Variants in ADH1B observed in about 807,000 individuals in gnomAD.
The protein encoded by ADH1B is all-trans-retinol dehydrogenase [NAD(+)] ADH1B.
In ADH1B, 29 loss-of-function variants were observed where a neutral mutation model predicts 34.6. That is an observed-to-expected ratio of 0.84 (90% CI 0.62 to 1.14). The LOEUF is 1.14. Ranked by LOEUF, ADH1B falls within the 50% of genes most tolerant of loss-of-function variation. The pLI is 0.00. For synonymous variants in ADH1B, 170 were observed against 175.5 expected (o/e 0.97, Z 0.25); for missense variants, 424 against 468.4 (o/e 0.91, Z 0.87).
At chr4:99,312,640 T>C (rs998591078) in intron 6 of ADH1B, among the ~76,000 whole-genome samples, 3 of 152,208 alleles carry the variant, frequency 2.0e-5, no homozygotes, top group African/African-American at 7.2e-5. Context: ...TACCATGTAA[T>C]AAGCCAAAGA....
Position 99,311,602 on chromosome 4 carries a change from C to A in ADH1B, c.883G>T (p.Val295Leu). ...EACGTSVIVGVPPASQNLSIN... is the reference protein window; with the variant it reads ...EACGTSVIVGLPPASQNLSIN... ...GAGAGGTTCTGGGAAGCAGGAGGTA[C>A]CCCTACGATGACGCTTGTGCCACAT... is the stretch of plus-strand genomic sequence containing the variant. Residue 295 changes from valine (V) to leucine (L), a missense_variant, in exon 7 of 9, where the codon GTA (valine) becomes TTA (leucine). Around this residue, in one of 3 missense-constraint regions of ADH1B, gnomAD observed 130 missense variants for 151.8 expected, o/e 0.86. Coordinates refer to ENST00000305046, the MANE Select transcript of ADH1B (RefSeq NM_000668.6). The A allele has an allele frequency of 1.9e-6, 3 of 1,614,036 alleles. No individual in the cohort carries two copies. Among genetic ancestry groups the A allele is most frequent in the Non-Finnish European group, 2.5e-6 (3 of 1,179,956 alleles).
At chr4:99,310,967 T>C in intron 7 of ADH1B, 64 bp from the exon 8 acceptor site, 1 of 1,571,562 alleles carries the variant, frequency 6.4e-7, no homozygotes, top group Admixed American at 1.9e-5. Context: ...GAAGAGAAGA[T>C]TTTCCAAATA....
At chr4:99,320,390 T>G (rs1267409423) in intron 1 of ADH1B, 1 of 152,658 alleles carries the variant, frequency 6.6e-6, no homozygotes, top group Non-Finnish European at 1.5e-5. Flanking sequence ...TGTCACACAA[T>G]GCAGAGAGAA....
At chr4:99,310,424 G>A in intron 8 of ADH1B, 1 of 403,354 alleles carries the variant, frequency 2.5e-6, no homozygotes, top group Non-Finnish European at 4.7e-6. Flanking sequence ...AGGCTTCAAA[G>A]ACACCATGTT....
chr4:99,309,561 A>G (rs1469758030), intron 8 of ADH1B, among the ~76,000 whole-genome samples: 2 of 152,102 alleles, frequency 1.3e-5, no homozygotes, highest in African/African-American at 4.8e-5. Flanking sequence ...CAATCCTATG[A>G]TGATGATGAT....
chr4:99,308,529 G>A (rs1298421903), intron 8 of ADH1B, among the ~76,000 whole-genome samples: 1 of 151,856 alleles, frequency 6.6e-6, no homozygotes, highest in Non-Finnish European at 1.5e-5. Context: ...AGAGAATAAA[G>A]TTGATTTGTA....
At chr4:99,308,570 A>T (rs1178013804) in intron 8 of ADH1B, among the ~76,000 whole-genome samples, 1 of 152,018 alleles carries the variant, frequency 6.6e-6, no homozygotes, top group Non-Finnish European at 1.5e-5. Flanking sequence ...TCTTGTGAAG[A>T]TTACAAATGG....
In ADH1B at chr4:99,305,503, T is replaced by TATATATA. The variant is rs1553912048; in HGVS notation, c.*2330_*2336dup. 1 of 30,992 alleles carries TATATATA rather than the reference T, an allele frequency of 3.2e-5. No homozygotes were observed. The highest frequency in any genetic ancestry group is 2.7e-4 in the Admixed American group (1 of 3,750). 1.9% of individuals were successfully genotyped at this position (30,992 alleles called of 1,614,324 possible). A position where few individuals can be genotyped will look rare whatever the true frequency, so the allele number is the denominator to read the frequency against. On this transcript the variant is annotated 3_prime_UTR_variant, in exon 9 of 9. Coordinates refer to ENST00000305046, the MANE Select transcript of ADH1B (RefSeq NM_000668.6). ...CCAATACTTTCTACACTGGAATACA[T>TATATATA]ATATATATATATATATATATACAAT...
chr4:99,313,792 G>T (rs376719170), intron 6 of ADH1B, 29 bp downstream of exon 6: 1 of 1,613,984 alleles, frequency 6.2e-7, no homozygotes, highest in Non-Finnish European at 8.5e-7. Flanking sequence ...TGCAGAGGCA[G>T]AAATCTCAGG....
chr4:99,307,402 A>T lies in ADH1B; in HGVS notation c.*438T>A, dbSNP rs987000359. On this transcript the variant is annotated 3_prime_UTR_variant, in exon 9 of 9. Transcript: ENST00000305046. Reference sequence around the variant, plus strand: ...GTACATTTTTATTAGAAAAAGGAAAATGTCGACAGTGAAAACTGAGACAGA... The same window carrying T: ...GTACATTTTTATTAGAAAAAGGAAATTGTCGACAGTGAAAACTGAGACAGA... 1.7e-5 allele frequency: 3 copies of T among 181,198 alleles called. No homozygotes were observed. Among genetic ancestry groups the T allele is most frequent in the Non-Finnish European group, 3.4e-5 (3 of 88,274 alleles). 11.2% of individuals were successfully genotyped at this position (181,198 alleles called of 1,614,324 possible).
intron 3 of ADH1B, 59 bp downstream of exon 3, chr4:99,317,987 C>G (rs1733926730): frequency 1.3e-6 from 2 of 1,599,724 alleles, no homozygotes; most frequent in Non-Finnish European, 1.7e-6. Flanking sequence ...GTTTCCTTAT[C>G]CAGGCTGGGA....
At chr4:99,316,676 A>G (rs11730075) in intron 3 of ADH1B, 41,881 of 159,514 alleles carry the variant, frequency 0.26, 7,456 homozygotes, top group East Asian at 0.82. Context: ...ATAAATATAA[A>G]TTTTAGTTGA....
chr4:99,321,182 T>A lies in ADH1B; in HGVS notation c.18+132A>T, dbSNP rs974622347. The A allele has an allele frequency of 2.1e-4, 165 of 776,916 alleles. 1 individual carries two copies. Among genetic ancestry groups the A allele is most frequent in the Non-Finnish European group, 3.1e-4 (150 of 484,920 alleles). 48.1% of individuals were successfully genotyped at this position (776,916 alleles called of 1,614,324 possible). A position where few individuals can be genotyped will look rare whatever the true frequency, so the allele number is the denominator to read the frequency against. Reference sequence around the variant, plus strand: ...AGTATACATTACATATTGAGGTGTATATTGCATATCATATTTCAGCATATC... The same window carrying A: ...AGTATACATTACATATTGAGGTGTAAATTGCATATCATATTTCAGCATATC... On this transcript the variant is annotated intron_variant, in intron 1 of 8. Transcript: ENST00000305046.
At position 99,307,640 on chromosome 4, in the gene ADH1B, T is replaced by G. The variant is rs1433315923; in HGVS notation, c.*200A>C. The G allele has an allele frequency of 1.4e-6, 1 of 693,268 alleles. No individual in the cohort carries two copies. Among genetic ancestry groups the G allele is most frequent in the Non-Finnish European group, 2.5e-6 (1 of 407,320 alleles). The allele number at this position is 693,268 out of a possible 1,614,324, so 42.9% of individuals were successfully genotyped here. A position where few individuals can be genotyped will look rare whatever the true frequency, so the allele number is the denominator to read the frequency against. On this transcript the variant is annotated 3_prime_UTR_variant, in exon 9 of 9. Coordinates refer to ENST00000305046, the MANE Select transcript of ADH1B (RefSeq NM_000668.6). ...AATTCCCCAGCTGATGTTCAACACTTTATTTACTTCTCACTTGAATTTTAA... is the reference window on the plus strand; with the variant it reads ...AATTCCCCAGCTGATGTTCAACACTGTATTTACTTCTCACTTGAATTTTAA...
At chr4:99,309,264 T>C (rs949962531) in intron 8 of ADH1B, among the ~76,000 whole-genome samples, 2 of 152,124 alleles carry the variant, frequency 1.3e-5, no homozygotes, top group Non-Finnish European at 2.9e-5. Flanking sequence ...GGGCAAAGGA[T>C]TCAGTTATTT....
intron 2 of ADH1B, chr4:99,318,484 AAC>A (rs1450086544): frequency 3.9e-6 from 2 of 513,678 alleles, no homozygotes; most frequent in East Asian, 3.6e-5. Context: ...ATAGCAAAGT[AAC>A]ACATGGAAAA....
At chr4:99,317,950 C>G in intron 3 of ADH1B, 96 bp downstream of exon 3, 1 of 1,559,074 alleles carries the variant, frequency 6.4e-7, no homozygotes, top group Non-Finnish European at 8.6e-7. Context: ...TGACCTTGTG[C>G]AAGCACTTTC....
At chr4:99,311,760 G>C in intron 6 of ADH1B, 104 bp from the exon 7 acceptor site, 1 of 1,486,146 alleles carries the variant, frequency 6.7e-7, no homozygotes, top group Non-Finnish European at 9.1e-7. Flanking sequence ...TGAGTGTGTA[G>C]AGGGAAGAGA....
At chr4:99,311,879 G>A (rs1413071396) in intron 6 of ADH1B, among the ~76,000 whole-genome samples, 3 of 152,160 alleles carry the variant, frequency 2.0e-5, no homozygotes, top group Non-Finnish European at 4.4e-5. Context: ...ATAAATTGGA[G>A]TGTGCTTAAT....
Sources: allele counts gnomAD v4.1 joint callset (sites outside exome capture counted in the v4.1 genomes callset), GRCh38; gene constraint gnomAD v4.1.1; regional missense constraint gnomAD v4.1.1; transcripts MANE v1.5; gene names NCBI Gene and HGNC (gene_info 2026-07-23, HGNC 2026-07-21).